CHODL: variants seen among roughly 807,000 people sequenced by gnomAD.
The protein encoded by CHODL is chondrolectin.
CHODL carries 29 observed loss-of-function variants against 34.5 expected under a neutral mutation model. The observed-to-expected ratio is 0.84, with a 90% confidence interval of 0.63 to 1.15. CHODL has a LOEUF of 1.15. CHODL is among the 50% of genes most tolerant of loss of function. The pLI, the probability that CHODL is intolerant of heterozygous loss-of-function variation, is 0.00. For missense variants in CHODL, 332 were observed against 332.5 expected, an observed-to-expected ratio of 1.00 and a Z score of 0.01; for synonymous variants, 125 against 116.1, an observed-to-expected ratio of 1.08 and a Z score of -0.49.
At chr21:18,194,198 C>G (rs577287542) in intron 2 of CHODL, among the ~76,000 whole-genome samples, 3 of 152,270 alleles carry the variant, frequency 2.0e-5, no homozygotes, top group African/African-American at 7.2e-5. Flanking sequence ...TTATCAAAAT[C>G]TCAAATCATC....
chr21:18,245,737 G>A, intron 1 of CHODL: 1 of 609,944 alleles, frequency 1.6e-6, no homozygotes, highest in South Asian at 2.0e-5. Flanking sequence ...CCAGCACCGT[G>A]TTCACTCGGA....
intron 2 of CHODL, among the ~76,000 whole-genome samples, chr21:18,176,049 A>G (rs1356261279): frequency 6.6e-6 from 1 of 152,236 alleles, no homozygotes; most frequent in Non-Finnish European, 1.5e-5. Flanking sequence ...CTAAAACTCA[A>G]AAGAGTCTGA....
intron 1 of CHODL, among the ~76,000 whole-genome samples, chr21:17,977,507 G>T (rs2063673436): frequency 6.7e-6 from 1 of 150,102 alleles, no homozygotes; most frequent in Non-Finnish European, 1.5e-5. Flanking sequence ...CTGGGAATAT[G>T]CGCCACTGCG....
At chr21:18,066,732 A>G (rs1464670892) in intron 2 of CHODL, among the ~76,000 whole-genome samples, 2 of 152,178 alleles carry the variant, frequency 1.3e-5, no homozygotes, top group African/African-American at 2.4e-5. Flanking sequence ...ATTTAGAGAT[A>G]GGGTCTTTAA....
intron 2 of CHODL, among the ~76,000 whole-genome samples, chr21:18,076,233 T>C (rs2064864891): frequency 6.6e-6 from 1 of 152,130 alleles, no homozygotes; most frequent in South Asian, 2.1e-4. Flanking sequence ...AACAAACTTC[T>C]TAGAGAATAC....
At chr21:17,966,462 G>A (rs1214429816) in intron 1 of CHODL, among the ~76,000 whole-genome samples, 2 of 152,142 alleles carry the variant, frequency 1.3e-5, no homozygotes, top group Non-Finnish European at 2.9e-5. Flanking sequence ...GTTTAAACAG[G>A]CTTTTCAATT....
intron 1 of CHODL, among the ~76,000 whole-genome samples, chr21:17,931,399 A>C (rs2063272667): frequency 1.3e-5 from 2 of 152,224 alleles, no homozygotes; most frequent in African/African-American, 4.8e-5. Flanking sequence ...TCATGGGGAA[A>C]ATAATCCCAT....
intron 1 of CHODL, among the ~76,000 whole-genome samples, chr21:17,923,246 T>C (rs1251202430): frequency 2.0e-5 from 3 of 151,702 alleles, no homozygotes; most frequent in Non-Finnish European, 4.4e-5. Flanking sequence ...TTTTCCATTA[T>C]TTACAGCAGA....
At chr21:18,259,988 A>G (rs922940175) in intron 3 of CHODL, among the ~76,000 whole-genome samples, 1 of 152,230 alleles carries the variant, frequency 6.6e-6, no homozygotes, top group African/African-American at 2.4e-5. Context: ...AGAACATATC[A>G]ACTCCATCTT....
chr21:18,199,217 T>C (rs184991499), intron 2 of CHODL, among the ~76,000 whole-genome samples: 101 of 152,226 alleles, frequency 6.6e-4, no homozygotes, highest in African/African-American at 2.3e-3. Flanking sequence ...CCAGGCAGCA[T>C]GGTCTCAGGA....
intron 2 of CHODL, among the ~76,000 whole-genome samples, chr21:18,175,583 ACTGT>A (rs1031167410): frequency 6.6e-6 from 1 of 151,344 alleles, no homozygotes; most frequent in Non-Finnish European, 1.5e-5. Context: ...ACAGTGCGAG[ACTGT>A]CTGGAGAAAA....
intron 2 of CHODL, among the ~76,000 whole-genome samples, chr21:18,076,409 G>T (rs1203873431): frequency 1.3e-5 from 2 of 152,214 alleles, no homozygotes; most frequent in Non-Finnish European, 2.9e-5. Flanking sequence ...GATAGAACTT[G>T]TGTAAGATGA....
At chr21:17,993,544 A>T (rs941951163) in intron 1 of CHODL, among the ~76,000 whole-genome samples, 1 of 152,190 alleles carries the variant, frequency 6.6e-6, no homozygotes, top group African/African-American at 2.4e-5. Context: ...AAAGGACATG[A>T]TCTCATTCTT....
At chr21:18,129,677 C>T (rs981021861) in intron 2 of CHODL, among the ~76,000 whole-genome samples, 5 of 152,068 alleles carry the variant, frequency 3.3e-5, no homozygotes, top group Non-Finnish European at 7.4e-5. Context: ...AAGTAGAAAT[C>T]CATTAAAAAT....
rs142622221 is a variant in CHODL, at chr21:18,090,162, G to A, written c.-45+62191G>A. ...TTACTTGAGCATAGAATGGCTAGAA[G>A]CTTAGTATTTTACCCTGGCCAAACA... is the stretch of plus-strand genomic sequence containing the variant. On this transcript the variant is annotated intron_variant, in intron 2 of 6. Transcript: ENST00000400127. Among the ~76,000 whole-genome samples the A allele has an allele frequency of 5.7e-3, 874 of 152,334 alleles. 13 individuals are homozygous for A. Among genetic ancestry groups the A allele is most frequent in the African/African-American group, 0.02 (840 of 41,578 alleles).
At chr21:18,232,676 C>G (rs2073990941) in intron 2 of CHODL, among the ~76,000 whole-genome samples, 1 of 151,720 alleles carries the variant, frequency 6.6e-6, no homozygotes. Context: ...AACCTTAAAC[C>G]ATCTCAGTCA....
At chr21:18,180,546 G>A (rs1157627044) in intron 2 of CHODL, among the ~76,000 whole-genome samples, 1 of 152,162 alleles carries the variant, frequency 6.6e-6, no homozygotes, top group African/African-American at 2.4e-5. Context: ...AAGTAACCTT[G>A]TATCTTCTTA....
At chr21:18,191,395 C>G (rs967403167) in intron 2 of CHODL, among the ~76,000 whole-genome samples, 3 of 152,158 alleles carry the variant, frequency 2.0e-5, no homozygotes, top group African/African-American at 7.2e-5. Context: ...CACTTTTCCT[C>G]ATATGAAACA....
intron 1 of CHODL, among the ~76,000 whole-genome samples, chr21:17,945,209 TA>T (rs71189571): frequency 0.016 from 2,187 of 139,850 alleles, 30 homozygotes; most frequent in Middle Eastern, 0.04. Flanking sequence ...GAGACTCTGT[TA>T]AAAAAAAAAA....
Sources: allele counts gnomAD v4.1 joint callset (sites outside exome capture counted in the v4.1 genomes callset), GRCh38; gene constraint gnomAD v4.1.1; transcripts MANE v1.5; gene names NCBI Gene and HGNC (gene_info 2026-07-23, HGNC 2026-07-21).